The following MRPL45 variants were observed in gnomAD, a reference collection of about 807,000 sequenced individuals.
MRPL45 encodes large ribosomal subunit protein mL45.
In MRPL45, 20 loss-of-function variants were observed where a neutral mutation model predicts 38.1. The ratio of observed to expected loss-of-function variants is 0.53; its 90% CI spans 0.37 to 0.76. The LOEUF is 0.76. Among genes scored for constraint, MRPL45 ranks in the 30% least tolerant of loss-of-function variants. The pLI is 0.00. For synonymous variants in MRPL45, 105 were observed against 128.8 expected (o/e 0.82, Z 1.25); for missense variants, 337 against 395.6 (o/e 0.85, Z 1.26).
chr17:38,309,661 G>A (rs1320447800), intron 4 of MRPL45, among the ~76,000 whole-genome samples: 1 of 150,004 alleles, frequency 6.7e-6, no homozygotes, highest in Non-Finnish European at 1.5e-5. Context: ...GTCTGGCCTT[G>A]TTGCCCAGGC....
intron 7 of MRPL45, 42 bp downstream of exon 7, chr17:38,322,341 C>G: frequency 1.3e-6 from 2 of 1,550,104 alleles, no homozygotes; most frequent in South Asian, 1.1e-5. Flanking sequence ...AGGCACTACT[C>G]GTGGTCTCCT....
At chr17:38,303,194 A>G (rs2037016255) in intron 3 of MRPL45, among the ~76,000 whole-genome samples, 1 of 150,198 alleles carries the variant, frequency 6.7e-6, no homozygotes, top group Admixed American at 6.7e-5. Context: ...CCTGCATAAT[A>G]TATTTTTTTT....
Position 38,298,476 on chromosome 17 carries a change from A to G in MRPL45, c.94A>G (p.Ile32Val), listed in dbSNP as rs1567711645. 4 of 1,613,940 alleles carry G rather than the reference A, an allele frequency of 2.5e-6. No homozygotes were observed. The highest frequency in any genetic ancestry group is 1.7e-6 in the Non-Finnish European group (2 of 1,179,850). The change falls in exon 2 of 8, where the codon ATA becomes GTA. Residue 32 changes from isoleucine (I) to valine (V), a missense_variant. By Grantham distance (29) the Ile-to-Val change is conservative (BLOSUM62 3). Coordinates refer to ENST00000613675, the MANE Select transcript of MRPL45 (RefSeq NM_032351.6). ...QPVLVTQSAA[I>V]VPVRTKKRFT... ...AGTTCTGGTGACTCAGTCCGCAGCT[A>G]TAGTTCCAGTAAGAACTAAAAAACG...
chr17:38,301,631 C>G (rs143244941), intron 3 of MRPL45, among the ~76,000 whole-genome samples: 165 of 152,298 alleles, frequency 1.1e-3, no homozygotes, highest in African/African-American at 3.6e-3. Flanking sequence ...TCTCCTAATA[C>G]TCTGTACTGC....
intron 5 of MRPL45, among the ~76,000 whole-genome samples, chr17:38,320,250 AT>A (rs2037216519): frequency 6.6e-6 from 1 of 152,106 alleles, no homozygotes; most frequent in South Asian, 2.1e-4. Context: ...GGGAAAAAAA[AT>A]ATATATGCAG....
rs2611850 is a variant in MRPL45 at position 38,299,225 on chromosome 17, A to T, written c.245-126A>T. 8.9e-4 allele frequency: 564 copies of T among 636,710 alleles called. 2 individuals are homozygous for T. In the African/African-American group the frequency reaches 9.3e-3, roughly 11 times the overall value. The allele number at this position is 636,710 out of a possible 1,614,324, so 39.4% of individuals were successfully genotyped here. The stretch of plus-strand genomic sequence containing the variant: ...TTTCTAGTGTAACATAGTTCTCTCT[A>T]CATGGAAGTCTGTTTCATTAGTCTA... On this transcript the variant is annotated intron_variant, in intron 2 of 7. Transcript: ENST00000613675.
intron 4 of MRPL45, among the ~76,000 whole-genome samples, chr17:38,306,935 C>CT (rs1217642897): frequency 7.9e-5 from 12 of 152,294 alleles, no homozygotes; most frequent in African/African-American, 2.2e-4. Context: ...TCATTCTGAT[C>CT]TTTTTTGTGT....
At chr17:38,318,892 A>C (rs2037201970) in intron 5 of MRPL45, among the ~76,000 whole-genome samples, 157 bp downstream of exon 5, 1 of 146,570 alleles carries the variant, frequency 6.8e-6, no homozygotes, top group African/African-American at 2.6e-5. Context: ...CAATGGTGCG[A>C]TCTTGGCTCA....
At chr17:38,312,488 C>G (rs1261778890) in intron 4 of MRPL45, among the ~76,000 whole-genome samples, 1 of 152,016 alleles carries the variant, frequency 6.6e-6, no homozygotes, top group Non-Finnish European at 1.5e-5. Context: ...TGTTGGTGTA[C>G]AAGTATCTGT....
intron 3 of MRPL45, among the ~76,000 whole-genome samples, chr17:38,299,898 G>A (rs1316143131): frequency 3.3e-5 from 5 of 151,042 alleles, no homozygotes; most frequent in African/African-American, 1.2e-4. Context: ...CACCATGCCC[G>A]GCTAATTTTG....
intron 6 of MRPL45, 109 bp from the exon 7 acceptor site, chr17:38,322,017 G>A: frequency 2.6e-6 from 3 of 1,138,316 alleles, no homozygotes; most frequent in African/African-American, 3.1e-5. Flanking sequence ...GGGCAACAGA[G>A]TGAGACTCTG....
chr17:38,322,434 G>A, intron 7 of MRPL45, 75 bp from the exon 8 acceptor site: 2 of 1,181,206 alleles, frequency 1.7e-6, no homozygotes, highest in South Asian at 1.4e-5. Flanking sequence ...GTGGGTGGGT[G>A]GGAGCAAGGG....
chr17:38,322,171 G>A lies in MRPL45; in HGVS notation c.706G>A (p.Glu236Lys). ...DRFGRLMYGQEDVPKDVLEYV... is the reference protein window; with the variant it reads ...DRFGRLMYGQKDVPKDVLEYV... Reference sequence around the variant, plus strand: ...GTTTGGCCGGTTGATGTATGGACAGGAAGATGTACCCAAGGATGTCCTGGA... The same window carrying A: ...GTTTGGCCGGTTGATGTATGGACAGAAAGATGTACCCAAGGATGTCCTGGA... Residue 236 changes from glutamate (E) to lysine (K), a missense_variant, in exon 7 of 8, where the codon GAA (glutamate) becomes AAA (lysine). By Grantham distance (56) the Glu-to-Lys change is moderately conservative (BLOSUM62 1). Coordinates refer to ENST00000613675, the MANE Select transcript of MRPL45 (RefSeq NM_032351.6). The A allele has an allele frequency of 6.2e-7, 1 of 1,614,184 alleles. No homozygotes were observed. The highest frequency in any genetic ancestry group is 8.5e-7 in the Non-Finnish European group (1 of 1,180,030).
chr17:38,297,918 A>G (rs2036953183), intron 1 of MRPL45, among the ~76,000 whole-genome samples: 2 of 152,138 alleles, frequency 1.3e-5, no homozygotes, highest in East Asian at 1.9e-4. Flanking sequence ...GGCAACATAT[A>G]AGACCTGGTC....
At chr17:38,301,899 C>T (rs182610134) in intron 3 of MRPL45, among the ~76,000 whole-genome samples, 102 of 151,904 alleles carry the variant, frequency 6.7e-4, no homozygotes, top group African/African-American at 2.2e-3. Flanking sequence ...GGGTGGATCA[C>T]GAGGTCAGGA....
intron 4 of MRPL45, among the ~76,000 whole-genome samples, chr17:38,310,401 T>C (rs549562034): frequency 2.6e-5 from 4 of 151,812 alleles, no homozygotes; most frequent in Non-Finnish European, 5.9e-5. Flanking sequence ...TGATCTCCGC[T>C]CACTGCATCC....
intron 1 of MRPL45, 50 bp downstream of exon 1, chr17:38,297,299 G>T: frequency 6.5e-7 from 1 of 1,535,062 alleles, no homozygotes; most frequent in East Asian, 2.2e-5. Context: ...GGAGAGGACA[G>T]AGTCGAGGGA....
intron 4 of MRPL45, among the ~76,000 whole-genome samples, chr17:38,313,796 G>A (rs1032720043): frequency 8.2e-5 from 12 of 145,480 alleles, no homozygotes; most frequent in Non-Finnish European, 1.7e-4. Flanking sequence ...CCGAGTAGCT[G>A]GGATTACAGG....
intron 5 of MRPL45, among the ~76,000 whole-genome samples, chr17:38,320,192 C>A (rs375585235): frequency 1.3e-5 from 2 of 152,092 alleles, no homozygotes; most frequent in South Asian, 2.1e-4. Context: ...GCAGTTTAGC[C>A]CTTATAGCCC....
Sources: allele counts gnomAD v4.1 joint callset (sites outside exome capture counted in the v4.1 genomes callset), GRCh38; gene constraint gnomAD v4.1.1; transcripts MANE v1.5; gene names NCBI Gene and HGNC (gene_info 2026-07-23, HGNC 2026-07-21).